The following FAF1 variants were observed in gnomAD, a reference collection of about 807,000 sequenced individuals.
FAF1 encodes FAS-associated factor 1.
A neutral mutation model predicts 92.5 loss-of-function variants in FAF1; 25 were observed. That is an observed-to-expected ratio of 0.27 (90% CI 0.20 to 0.38). The LOEUF is 0.38. Among genes scored for constraint, FAF1 ranks in the 10% least tolerant of loss-of-function variants. The pLI is 1.00. For missense variants in FAF1, 636 were observed against 793.3 expected (o/e 0.80, Z 2.38); for synonymous variants, 234 against 273.2 (o/e 0.86, Z 1.42).
chr1:50,936,289 GATGGATATATAGGA>G (rs1367183557), intron 1 of FAF1, among the ~76,000 whole-genome samples: 1 of 152,208 alleles, frequency 6.6e-6, no homozygotes, highest in Non-Finnish European at 1.5e-5. Flanking sequence ...TATAATGACA[GATGGATATATAGGA>G]ATGAGAAATA....
intron 18 of FAF1, 58 bp downstream of exon 18, chr1:50,475,406 T>C: frequency 7.2e-7 from 1 of 1,380,548 alleles, no homozygotes. Flanking sequence ...TTGTTCAGCT[T>C]TAATGATGGC....
intron 1 of FAF1, among the ~76,000 whole-genome samples, chr1:50,936,430 T>C (rs1570160678): frequency 6.6e-6 from 1 of 151,944 alleles, no homozygotes; most frequent in African/African-American, 2.4e-5. Flanking sequence ...TACACACAAG[T>C]CTATGAAGAC....
intron 8 of FAF1, among the ~76,000 whole-genome samples, chr1:50,608,723 T>C (rs1652541613): frequency 6.6e-6 from 1 of 152,166 alleles, no homozygotes; most frequent in South Asian, 2.1e-4. Context: ...GTAAGGTAAC[T>C]TCTTTGGTAG....
chr1:50,585,645 T>C (rs1045365149), intron 9 of FAF1, among the ~76,000 whole-genome samples: 3 of 152,170 alleles, frequency 2.0e-5, no homozygotes, highest in Admixed American at 2.0e-4. Context: ...TCTGGCTACA[T>C]GCTTGTCTGT....
At chr1:50,570,628 T>A (rs1650393348) in intron 12 of FAF1, among the ~76,000 whole-genome samples, 1 of 152,194 alleles carries the variant, frequency 6.6e-6, no homozygotes, top group South Asian at 2.1e-4. Context: ...TACCCCAAAG[T>A]AGCTTTCAAA....
chr1:50,691,629 T>C (rs1418149158), intron 7 of FAF1, among the ~76,000 whole-genome samples: 2 of 152,052 alleles, frequency 1.3e-5, no homozygotes, highest in Non-Finnish European at 2.9e-5. Context: ...TTCTCTCTTG[T>C]TGCCCAGGCT....
chr1:50,559,250 CAAAA>C (rs545233560), intron 13 of FAF1, among the ~76,000 whole-genome samples: 2 of 102,472 alleles, frequency 2.0e-5, no homozygotes, highest in Admixed American at 2.0e-4. Flanking sequence ...GACTCCGTCT[CAAAA>C]AAAAAAAAAA....
At chr1:50,457,292 T>C (rs758293659) in intron 18 of FAF1, among the ~76,000 whole-genome samples, 2 of 152,098 alleles carry the variant, frequency 1.3e-5, no homozygotes, top group Admixed American at 6.5e-5. Context: ...TTTGGTGAAG[T>C]AGGCTGGGGC....
intron 7 of FAF1, among the ~76,000 whole-genome samples, chr1:50,670,098 G>T (rs1655803999): frequency 1.4e-5 from 2 of 142,540 alleles, no homozygotes; most frequent in Non-Finnish European, 3.0e-5. Context: ...TCCAGCCTGG[G>T]CAACAAGAGC....
chr1:50,694,949 G>A (rs138974356), intron 7 of FAF1, among the ~76,000 whole-genome samples: 28 of 151,874 alleles, frequency 1.8e-4, no homozygotes, highest in African/African-American at 6.0e-4. Flanking sequence ...GCGACAGAGC[G>A]AGACTGTCTC....
intron 1 of FAF1, among the ~76,000 whole-genome samples, chr1:50,888,922 T>C (rs1250760186): frequency 6.6e-6 from 1 of 152,224 alleles, no homozygotes; most frequent in East Asian, 1.9e-4. Context: ...TTGATTGGAA[T>C]AGTTTCAGAA....
intron 15 of FAF1, among the ~76,000 whole-genome samples, chr1:50,532,093 A>G (rs1354231127): frequency 6.6e-6 from 1 of 152,200 alleles, no homozygotes; most frequent in Non-Finnish European, 1.5e-5. Context: ...TGTATAGTCC[A>G]AAAGAAGTCT....
intron 8 of FAF1, among the ~76,000 whole-genome samples, chr1:50,638,537 T>A (rs1261174436): frequency 6.6e-6 from 1 of 151,048 alleles, no homozygotes; most frequent in Non-Finnish European, 1.5e-5. Context: ...TTCTGCCTCA[T>A]GGGTTCAAGC....
At chr1:50,939,341 G>C (rs1394782214) in intron 1 of FAF1, among the ~76,000 whole-genome samples, 1 of 152,136 alleles carries the variant, frequency 6.6e-6, no homozygotes, top group East Asian at 1.9e-4. Context: ...AAATGGGATT[G>C]TGCTCTTGAT....
At chr1:50,801,555 A>G in intron 3 of FAF1, 76 bp downstream of exon 3, 2 of 804,980 alleles carry the variant, frequency 2.5e-6, no homozygotes, top group East Asian at 2.4e-5. Flanking sequence ...TTAAAAAATA[A>G]AACAAAAAAA....
intron 13 of FAF1, among the ~76,000 whole-genome samples, chr1:50,556,455 C>T (rs1417976353): frequency 6.6e-6 from 1 of 151,952 alleles, no homozygotes. Context: ...ACTTGAAAGA[C>T]GGGTATGCTA....
intron 6 of FAF1, among the ~76,000 whole-genome samples, chr1:50,725,054 G>A (rs1463162758): frequency 1.3e-5 from 2 of 152,218 alleles, no homozygotes; most frequent in Non-Finnish European, 1.5e-5. Flanking sequence ...AGAGGTAAAA[G>A]ACACCATTTA....
chr1:50,578,214 T>A (rs1650840658), intron 12 of FAF1, among the ~76,000 whole-genome samples: 1 of 152,206 alleles, frequency 6.6e-6, no homozygotes, highest in South Asian at 2.1e-4. Flanking sequence ...AAGTGAAGAA[T>A]GCTGGTGTTT....
chr1:50,710,577 C>T (rs535161849), intron 6 of FAF1, among the ~76,000 whole-genome samples: 4 of 152,180 alleles, frequency 2.6e-5, no homozygotes, highest in African/African-American at 9.6e-5. Context: ...ATCCTTCACT[C>T]ATAGAACTAT....
Sources: gnomAD v4.1 joint callset for allele counts (sites outside exome capture counted in the v4.1 genomes callset) on GRCh38, gnomAD v4.1.1 for gene constraint, MANE v1.5 for transcripts, NCBI Gene and HGNC (gene_info 2026-07-23, HGNC 2026-07-21) for gene names.